Variants in FBXW11 observed in about 807,000 individuals in gnomAD.
FBXW11 encodes F-box/WD repeat-containing protein 11.
Under a neutral mutation model 77.6 loss-of-function variants are expected in FBXW11, and 19 were observed. That is an observed-to-expected ratio of 0.24 (90% confidence interval 0.17 to 0.36). The LOEUF (loss-of-function observed/expected upper bound fraction) is 0.36, where lower values mean the gene tolerates loss of function less well. Among genes scored for constraint, FBXW11 ranks in the 10% least tolerant of loss-of-function variants. The probability of loss-of-function intolerance (pLI) is 1.00; values close to 1 mark genes in which losing one functional copy is unlikely to be tolerated. For synonymous variants in FBXW11, 235 were observed against 249.4 expected, an observed-to-expected ratio of 0.94 and a Z score of 0.54; for missense variants, 334 against 704.2, an observed-to-expected ratio of 0.47 and a Z score of 5.95.
chr5:171,918,229 C>T (rs906981760), intron 2 of FBXW11, among the ~76,000 whole-genome samples: 1 of 151,962 alleles, frequency 6.6e-6, no homozygotes, highest in African/African-American at 2.4e-5. Context: ...TTTCCAAAAT[C>T]AGAAACACTT....
chr5:171,915,613 CTGTGTGTG>C lies in FBXW11; in HGVS notation c.148-1216_148-1209del, dbSNP rs200618306. ...TGGATTCCTGATTTGGTCACTCATT[CTGTGTGTG>C]TGTGTGTGTGTGTGTGTGTGTGTGT... On this transcript the variant is annotated intron_variant, in intron 2 of 13. Coordinates refer to ENST00000517395, the MANE Select transcript of FBXW11 (RefSeq NM_001378974.1). Among the ~76,000 whole-genome samples the C allele has an allele frequency of 4.1e-4, 53 of 129,622 alleles. No homozygotes were observed. The East Asian group carries it at 8.3e-3, about 20-fold the overall frequency. 85.0% of individuals were successfully genotyped at this position (129,622 alleles called of 152,430 possible). A position where few individuals can be genotyped will look rare whatever the true frequency, so the allele number is the denominator to read the frequency against.
chr5:171,889,592 A>G (rs1759170030), intron 7 of FBXW11, among the ~76,000 whole-genome samples: 1 of 152,024 alleles, frequency 6.6e-6, no homozygotes, highest in African/African-American at 2.4e-5. Flanking sequence ...AGAAAATGAG[A>G]AAATGAAAAG....
intron 1 of FBXW11, among the ~76,000 whole-genome samples, chr5:171,967,698 G>T (rs1764269890): frequency 6.6e-6 from 1 of 151,854 alleles, no homozygotes; most frequent in African/African-American, 2.4e-5. Flanking sequence ...AATTAGCTGG[G>T]TGTAGTGGGG....
intron 1 of FBXW11, among the ~76,000 whole-genome samples, chr5:171,965,124 G>A (rs569811004): frequency 2.0e-5 from 3 of 152,280 alleles, no homozygotes; most frequent in South Asian, 2.1e-4. Flanking sequence ...CAGCCCAAAA[G>A]TAGTGGAATC....
chr5:171,881,426 G>A (rs1358434655), intron 7 of FBXW11, among the ~76,000 whole-genome samples: 1 of 152,126 alleles, frequency 6.6e-6, no homozygotes, highest in Non-Finnish European at 1.5e-5. Flanking sequence ...ACGAAAGAGT[G>A]TTCAATTTTC....
At chr5:171,976,872 TC>T (rs1380412856) in intron 1 of FBXW11, among the ~76,000 whole-genome samples, 2 of 151,396 alleles carry the variant, frequency 1.3e-5, no homozygotes, top group African/African-American at 4.9e-5. Context: ...CACAGTGAAA[TC>T]CCATCTCTAC....
intron 4 of FBXW11, among the ~76,000 whole-genome samples, chr5:171,905,765 G>A (rs1390972221): frequency 6.6e-6 from 1 of 152,104 alleles, no homozygotes; most frequent in African/African-American, 2.4e-5. Flanking sequence ...ACTGAATAAG[G>A]TGGTCCATTT....
rs528392585 is a variant in FBXW11, at chr5:171,879,874, C to T, written c.853-1745G>A. Among the ~76,000 whole-genome samples, 10 of 152,190 alleles carry T rather than the reference C, an allele frequency of 6.6e-5. No individual in the cohort carries two copies. The South Asian group carries it at 2.1e-3, about 32-fold the overall frequency. The stretch of plus-strand genomic sequence containing the variant: ...GTCTTTTGCATACATTTTCTCTAGT[C>T]TGTGGCTTGTTTTTTCATTCTCCAG... On this transcript the variant is annotated intron_variant, in intron 7 of 13. Transcript: ENST00000517395.
At chr5:171,872,822 C>G in intron 10 of FBXW11, 50 bp downstream of exon 10, 1 of 1,369,546 alleles carries the variant, frequency 7.3e-7, no homozygotes, top group Non-Finnish European at 1.0e-6. Context: ...GATGAGTCAA[C>G]AATGTGGCAA....
intron 11 of FBXW11, among the ~76,000 whole-genome samples, chr5:171,870,115 G>C (rs1404452146): frequency 6.6e-6 from 1 of 152,100 alleles, no homozygotes; most frequent in Non-Finnish European, 1.5e-5. Context: ...TTCATCAGGG[G>C]ACTCTCTAGG....
At chr5:171,882,820 G>T (rs1379984616) in intron 7 of FBXW11, among the ~76,000 whole-genome samples, 3 of 150,888 alleles carry the variant, frequency 2.0e-5, no homozygotes, top group Non-Finnish European at 4.4e-5. Flanking sequence ...ATAAGCTATT[G>T]TACAGGTGGT....
At chr5:171,890,075 A>G (rs1218766091) in intron 7 of FBXW11, among the ~76,000 whole-genome samples, 1 of 152,210 alleles carries the variant, frequency 6.6e-6, no homozygotes, top group Admixed American at 6.5e-5. Flanking sequence ...ACTTCACCAC[A>G]GAATATAGAG....
At chr5:171,903,624 TC>T (rs1760283084) in intron 4 of FBXW11, among the ~76,000 whole-genome samples, 1 of 152,096 alleles carries the variant, frequency 6.6e-6, no homozygotes, top group South Asian at 2.1e-4. Context: ...TTATCTATCT[TC>T]CTTTTCTGAT....
At chr5:171,942,919 G>C (rs1762823860) in intron 2 of FBXW11, among the ~76,000 whole-genome samples, 1 of 152,142 alleles carries the variant, frequency 6.6e-6, no homozygotes, top group African/African-American at 2.4e-5. Context: ...CAGATGCCCT[G>C]GGCAATGTTT....
At chr5:172,004,032 A>G (rs1187978619) in intron 1 of FBXW11, among the ~76,000 whole-genome samples, 1 of 152,260 alleles carries the variant, frequency 6.6e-6, no homozygotes, top group Non-Finnish European at 1.5e-5. Flanking sequence ...CCATCAGTTT[A>G]ACCCCTTTTC....
intron 2 of FBXW11, among the ~76,000 whole-genome samples, chr5:171,950,945 G>A (rs1411618729): frequency 6.6e-6 from 1 of 151,956 alleles, no homozygotes; most frequent in Non-Finnish European, 1.5e-5. Flanking sequence ...TCTGATAGTT[G>A]TCAGATTGCA....
At chr5:171,978,269 G>A (rs1764948192) in intron 1 of FBXW11, among the ~76,000 whole-genome samples, 1 of 152,124 alleles carries the variant, frequency 6.6e-6, no homozygotes, top group Admixed American at 6.5e-5. Flanking sequence ...TCAAAGTTGG[G>A]GTTACTGACT....
chr5:171,961,396 T>G (rs1021036996), intron 1 of FBXW11, among the ~76,000 whole-genome samples: 5 of 152,168 alleles, frequency 3.3e-5, no homozygotes, highest in African/African-American at 1.2e-4. Context: ...AATAATTACT[T>G]TGAAGCTAAG....
chr5:171,998,323 AT>A (rs973403591), intron 1 of FBXW11, among the ~76,000 whole-genome samples: 1 of 122,540 alleles, frequency 8.2e-6, no homozygotes. Context: ...AGCCCATGAT[AT>A]TTTTTTCTTG....
Sources: gnomAD v4.1 joint callset for allele counts (sites outside exome capture counted in the v4.1 genomes callset) on GRCh38, gnomAD v4.1.1 for gene constraint, MANE v1.5 for transcripts, NCBI Gene and HGNC (gene_info 2026-07-23, HGNC 2026-07-21) for gene names.